SLC16A3: variants seen among roughly 807,000 people sequenced by gnomAD.
SLC16A3 encodes the protein monocarboxylate transporter 4.
SLC16A3 carries 22 observed loss-of-function variants against 25.0 expected under a neutral mutation model. The ratio of observed to expected loss-of-function variants is 0.88; its 90% confidence interval spans 0.63 to 1.26. The LOEUF is 1.26. Among genes scored for constraint, SLC16A3 ranks in the 50% most tolerant of loss-of-function variants. The probability of loss-of-function intolerance (pLI) is 0.00; values close to 1 mark genes in which losing one functional copy is unlikely to be tolerated. For synonymous variants in SLC16A3, 390 were observed against 309.2 expected (o/e 1.26, Z -2.74); for missense variants, 731 against 666.6 (o/e 1.10, Z -1.06).
At chr17:82,236,958 C>T in intron 3 of SLC16A3, 86 bp downstream of exon 3, 2 of 1,547,528 alleles carry the variant, frequency 1.3e-6, no homozygotes, top group Non-Finnish European at 1.7e-6. Flanking sequence ...CTCTGGAGGA[C>T]AGCAGGGCGG....
upstream of SLC16A3, among the ~76,000 whole-genome samples, chr17:82,225,941 C>T (rs527588929): frequency 6.6e-6 from 1 of 152,228 alleles, no homozygotes; most frequent in East Asian, 1.9e-4. Context: ...TTTCAGGACA[C>T]AGAGGTAGGG....
In SLC16A3 at chr17:82,238,819, C is replaced by G; in HGVS notation, c.1241C>G (p.Pro414Arg). 6.2e-7 allele frequency: 1 copy of G among 1,612,896 alleles called. No homozygotes were observed. The highest frequency in any genetic ancestry group is 8.5e-7 in the Non-Finnish European group (1 of 1,179,948). ...AACTTCTTCTGCATTAGGAAGAAGC[C>G]CAAAGAGCCACAGCCTGAGGTGGCG... ...LGNFFCIRKKPKEPQPEVAAA... is the reference protein window; with the variant it reads ...LGNFFCIRKKRKEPQPEVAAA... The change falls in exon 5 of 5, where the codon CCC (proline) becomes CGC (arginine). Residue 414 changes from proline to arginine, a missense_variant. Physicochemically the swap from Pro to Arg is moderately radical, Grantham distance 103. Transcript: ENST00000582743.
rs116468588 is a variant in SLC16A3 at position 82,220,499 on chromosome 17, G to A, written c.-27+2315G>A. ...AAAGTAATAGATTCCGGCCAGGCATGGTGGCTTATGCCTGCAATCCCAGCA... is the reference window on the plus strand; with the variant it reads ...AAAGTAATAGATTCCGGCCAGGCATAGTGGCTTATGCCTGCAATCCCAGCA... On this transcript the variant is annotated intron_variant, in intron 1 of 4. Transcript: ENST00000580098. Among the ~76,000 whole-genome samples, 421 of 152,334 alleles carry A rather than the reference G, an allele frequency of 2.8e-3. 3 individuals carry two copies. Among genetic ancestry groups the A allele is most frequent in the African/African-American group, 9.7e-3 (404 of 41,574 alleles).
Position 82,238,687 on chromosome 17 carries a change from G to T in SLC16A3, c.1124-15G>T, listed in dbSNP as rs745995461. On this transcript the variant is annotated splice_polypyrimidine_tract_variant and intron_variant, in intron 4 of 4. Coordinates refer to ENST00000582743, the MANE Select transcript of SLC16A3 (RefSeq NM_004207.4). ...GCCCGCATGAGCGGCTGGGACTGACGGGGTCTTCCCGCAGGCAAACTCCTG... is the reference window on the plus strand; with the variant it reads ...GCCCGCATGAGCGGCTGGGACTGACTGGGTCTTCCCGCAGGCAAACTCCTG... 2 of 1,600,742 alleles carry T rather than the reference G, an allele frequency of 1.2e-6. No individual in the cohort carries two copies. Among genetic ancestry groups the T allele is most frequent in the East Asian group, 2.2e-5 (1 of 44,572 alleles).
upstream of SLC16A3, among the ~76,000 whole-genome samples, chr17:82,228,702 C>T (rs1276492980): frequency 6.6e-6 from 1 of 152,060 alleles, no homozygotes; most frequent in Non-Finnish European, 1.5e-5. Flanking sequence ...TGCCGCGCTG[C>T]GCTCCGAGGC....
Position 82,237,333 on chromosome 17 carries a change from T to A in SLC16A3, c.563T>A (p.Leu188His). 1 of 1,541,612 alleles carries A rather than the reference T, an allele frequency of 6.5e-7. No individual in the cohort carries two copies. Among genetic ancestry groups the A allele is most frequent in the Non-Finnish European group, 8.8e-7 (1 of 1,142,420 alleles). The change falls in exon 4 of 5, where the codon CTC becomes CAC. Residue 188 changes from leucine (L) to histidine (H), a missense_variant. Leu to His is a moderately conservative substitution (Grantham distance 99, BLOSUM62 -3). Transcript: ENST00000582743. Reference protein sequence around the residue: ...GGFLILGGLLLNCCVCAALMR... With the variant: ...GGFLILGGLLHNCCVCAALMR... ...TTCCTCATCCTGGGCGGCCTGCTGC[T>A]CAACTGCTGCGTGTGTGCCGCACTC...
Position 82,239,259 on chromosome 17 carries a change from C to T in SLC16A3, c.*283C>T, listed in dbSNP as rs573112760. 1 of 213,660 alleles carries T rather than the reference C, an allele frequency of 4.7e-6. No homozygotes were observed. The highest frequency in any genetic ancestry group is 2.7e-5 in the African/African-American group (1 of 37,374). The allele number at this position is 213,660 out of a possible 1,614,324, so 13.2% of individuals were successfully genotyped here. The stretch of plus-strand genomic sequence containing the variant: ...GGTGGCCTGCGGCCACTGCTATGCT[C>T]AAGGACCTGGAAACCCATGCTTCGA... On this transcript the variant is annotated 3_prime_UTR_variant, in exon 5 of 5. Transcript: ENST00000582743.
upstream of SLC16A3, among the ~76,000 whole-genome samples, chr17:82,224,279 CGTGCAGACACACCCCTACACCT>C (rs2050407705): frequency 6.0e-5 from 2 of 33,256 alleles, no homozygotes. Context: ...CCCCTACACC[CGTGCAGACACACCCCTACACCT>C]GTGCAGTCAC....
rs2050629794 is a variant in SLC16A3 at position 82,237,342 on chromosome 17, G to GC, written c.573dup (p.Val192ArgfsTer83). 6.5e-7 allele frequency: 1 copy of GC among 1,540,854 alleles called. No individual in the cohort carries two copies. The highest frequency in any genetic ancestry group is 1.2e-5 in the South Asian group (1 of 82,904). On this transcript the variant is annotated frameshift_variant, in exon 4 of 5. Coordinates refer to ENST00000582743, the MANE Select transcript of SLC16A3 (RefSeq NM_004207.4). LOFTEE classifies it high-confidence loss of function. ...CTGGGCGGCCTGCTGCTCAACTGCT[G>GC]CGTGTGTGCCGCACTCATGAGGCCC...
Position 82,237,141 on chromosome 17 carries a change from T to C in SLC16A3, c.371T>C (p.Leu124Ser). Residue 124 changes from leucine to serine, a missense_variant, in exon 4 of 5, where the codon TTG becomes TCG. Physicochemically the swap from Leu to Ser is moderately radical, Grantham distance 145 (BLOSUM62 -2). Transcript: ENST00000582743. The stretch of plus-strand genomic sequence containing the variant: ...CACCACATTCCCTTTCCTCCAGGGT[T>C]GGGTTTGGCACTCAACTTCCAGCCC... ...VYLTTGVITG[L>S]GLALNFQPSL... The C allele has an allele frequency of 6.7e-7, 1 of 1,503,678 alleles. No individual in the cohort carries two copies. Among genetic ancestry groups the C allele is most frequent in the South Asian group, 1.3e-5 (1 of 74,456 alleles). The allele number at this position is 1,503,678 out of a possible 1,614,324, so 93.1% of individuals were successfully genotyped here.
intron 1 of SLC16A3, chr17:82,235,724 G>A (rs2147126905): frequency 1.9e-6 from 1 of 525,646 alleles, no homozygotes; most frequent in Non-Finnish European, 3.5e-6. Context: ...TCCTGGCCGA[G>A]CCCAAAAAAG....
Position 82,238,687 on chromosome 17 carries a change from G to A in SLC16A3, c.1124-15G>A, listed in dbSNP as rs745995461. ...GCCCGCATGAGCGGCTGGGACTGAC[G>A]GGGTCTTCCCGCAGGCAAACTCCTG... On this transcript the variant is annotated splice_polypyrimidine_tract_variant and intron_variant, in intron 4 of 4. Transcript: ENST00000582743. 7.5e-6 allele frequency: 12 copies of A among 1,600,742 alleles called. No homozygotes were observed. The East Asian group carries it at 1.3e-4, about 18-fold the overall frequency.
In SLC16A3 at chr17:82,239,793, C is replaced by T. The variant is rs368852326; in HGVS notation, c.*817C>T. On this transcript the variant is annotated 3_prime_UTR_variant, in exon 5 of 5. Transcript: ENST00000582743. ...CAGGACCCTCCTGCCTTCCCTTTTT[C>T]GCCCCTCTGCCTGGCTGGCAGTGTG... 72 of 398,464 alleles carry T rather than the reference C, an allele frequency of 1.8e-4. No individual in the cohort carries two copies. In the South Asian group the frequency reaches 2.4e-3, roughly 13 times the overall value. The allele number at this position is 398,464 out of a possible 1,614,324, so 24.7% of individuals were successfully genotyped here. A position where few individuals can be genotyped will look rare whatever the true frequency, so the allele number is the denominator to read the frequency against.
rs530479437 is a variant in SLC16A3 at position 82,232,918 on chromosome 17, C to CCGG, written c.-26-3065_-26-3064insCGG. 4.6e-3 allele frequency among the ~76,000 whole-genome samples: 215 copies of CCGG among 47,242 alleles called. 10 individuals are homozygous for CCGG. The highest frequency in any genetic ancestry group is 0.015 in the South Asian group (23 of 1,490). 31.0% of individuals were successfully genotyped at this position (47,242 alleles called of 152,430 possible). On this transcript the variant is annotated intron_variant, in intron 1 of 4. Transcript: ENST00000582743. Reference sequence around the variant, plus strand: ...GGTTGGCATGCTTCCTGGGGGGCGGCGGGGGGGGGGTTGGTAAATGTCAGG... The same window carrying CCGG: ...GGTTGGCATGCTTCCTGGGGGGCGGCCGGGGGGGGGGGGTTGGTAAATGTCAGG...
At chr17:82,226,135 G>A (rs1033721718), upstream of SLC16A3, among the ~76,000 whole-genome samples, 2 of 152,096 alleles carry the variant, frequency 1.3e-5, no homozygotes, top group African/African-American at 2.4e-5. Flanking sequence ...AGGGCCTGGA[G>A]GGCCCTGTAG....
chr17:82,218,170 C>A, exon 1 of SLC16A3, among the ~76,000 whole-genome samples: 1 of 152,218 alleles, frequency 6.6e-6, no homozygotes, highest in Admixed American at 6.5e-5. Flanking sequence ...CAATGACAAG[C>A]TCTGGGTAAC....
rs2050626834 is a variant in SLC16A3, at chr17:82,237,262, CCCGCTGGGGCAGCTGCTGCAGGA to C, written c.498_520del (p.Gly167ArgfsTer100). ...GCCCTGTCTTCCTGTGTGCCCTGAG[CCCGCTGGGGCAGCTGCTGCAGGA>C]CCGCTACGGCTGGCGGGGCGGCTTC... On this transcript the variant is annotated frameshift_variant, in exon 4 of 5. Coordinates refer to ENST00000582743, the MANE Select transcript of SLC16A3 (RefSeq NM_004207.4). LOFTEE classifies it high-confidence loss of function. 1 of 1,563,856 alleles carries C rather than the reference CCCGCTGGGGCAGCTGCTGCAGGA, an allele frequency of 6.4e-7. No individual in the cohort carries two copies. Among genetic ancestry groups the C allele is most frequent in the Non-Finnish European group, 8.7e-7 (1 of 1,154,634 alleles).
intron 1 of SLC16A3, among the ~76,000 whole-genome samples, chr17:82,223,240 T>C (rs2050400313): frequency 6.6e-6 from 1 of 152,178 alleles, no homozygotes; most frequent in Admixed American, 6.5e-5. Flanking sequence ...TGGAGTATAG[T>C]GTCGCGATCT....
At chr17:82,235,186 T>A (rs1036234968) in intron 1 of SLC16A3, 1 of 152,418 alleles carries the variant, frequency 6.6e-6, no homozygotes, top group African/African-American at 2.4e-5. Flanking sequence ...TAGCCCCTCC[T>A]GATTTCAGGC....
Sources: allele counts gnomAD v4.1 joint callset (sites outside exome capture counted in the v4.1 genomes callset), GRCh38; gene constraint gnomAD v4.1.1; transcripts MANE v1.5; gene names NCBI Gene and HGNC (gene_info 2026-07-23, HGNC 2026-07-21).